MFSD12: variants seen among roughly 807,000 people sequenced by gnomAD.
The protein encoded by MFSD12 is major facilitator superfamily domain-containing protein 12.
Under a neutral mutation model 51.2 loss-of-function variants are expected in MFSD12, and 67 were observed. That is an observed-to-expected ratio of 1.31 (90% CI 1.08 to 1.60). The LOEUF (loss-of-function observed/expected upper bound fraction) is 1.60, where lower values mean the gene tolerates loss of function less well. Ranked by LOEUF, MFSD12 falls within the 40% of genes most tolerant of loss-of-function variation. The pLI, the probability that MFSD12 is intolerant of heterozygous loss-of-function variation, is 0.00. For missense variants in MFSD12, 921 were observed against 673.0 expected, an observed-to-expected ratio of 1.37 and a Z score of -4.08; for synonymous variants, 441 against 316.7, an observed-to-expected ratio of 1.39 and a Z score of -4.17.
intron 1 of MFSD12, among the ~76,000 whole-genome samples, chr19:3,552,905 G>A (rs912565744): frequency 6.6e-6 from 1 of 152,180 alleles, no homozygotes; most frequent in African/African-American, 2.4e-5. Context: ...GTCGGAGCCA[G>A]GCTCCTTCCC....
rs777850029 is a variant in MFSD12, at chr19:3,544,920, C to G, written c.1309G>C (p.Ala437Pro). The G allele has an allele frequency of 2.5e-5, 40 of 1,610,092 alleles. No individual in the cohort carries two copies. In the African/African-American group the frequency reaches 5.1e-4, roughly 20 times the overall value. Residue 437 changes from alanine to proline, a missense_variant, in exon 9 of 10, where the codon GCC becomes CCC. Coordinates refer to ENST00000355415, the MANE Select transcript of MFSD12 (RefSeq NM_174983.5). Reference protein sequence around the residue: ...HPCPSELCCRACVSFYHWAMV... With the variant: ...HPCPSELCCRPCVSFYHWAMV... Reference sequence around the variant, plus strand: ...GCCCAGTGGTAAAAGCTCACGCAGGCCCTGCAGCAGAGCTCTGAGCTGTGG... The same window carrying G: ...GCCCAGTGGTAAAAGCTCACGCAGGGCCTGCAGCAGAGCTCTGAGCTGTGG...
At chr19:3,548,288 G>A (rs745694654) in intron 2 of MFSD12, 21 bp from the exon 3 acceptor site, 60 of 1,544,168 alleles carry the variant, frequency 3.9e-5, no homozygotes, top group Non-Finnish European at 5.2e-5. Context: ...GGCGGGCAGG[G>A]ACTCAACAAG....
exon 5 of MFSD12, chr19:3,538,640 G>T: frequency 2.6e-6 from 1 of 382,120 alleles, no homozygotes; most frequent in South Asian, 2.0e-5. Flanking sequence ...GCTGAGTCTC[G>T]TTCCAGCACG....
intron 2 of MFSD12, among the ~76,000 whole-genome samples, chr19:3,550,613 A>G (rs1023927701): frequency 4.6e-5 from 7 of 152,044 alleles, no homozygotes; most frequent in Non-Finnish European, 8.8e-5. Context: ...GATGGTCTCG[A>G]TCTCCTGACC....
downstream of MFSD12, chr19:3,544,042 T>C (rs2145172155): frequency 6.7e-7 from 1 of 1,501,636 alleles, no homozygotes; most frequent in Non-Finnish European, 9.0e-7. Flanking sequence ...CCACTGTCTC[T>C]GCACCCAGAT....
At chr19:3,554,419 AGAGT>A (rs1568263017) in intron 1 of MFSD12, among the ~76,000 whole-genome samples, 1 of 150,958 alleles carries the variant, frequency 6.6e-6, no homozygotes, top group African/African-American at 2.4e-5. Context: ...CCTGAGCGAC[AGAGT>A]GAGACTCTGT....
intron 2 of MFSD12, among the ~76,000 whole-genome samples, chr19:3,549,039 T>G (rs1225949002): frequency 6.6e-6 from 1 of 152,128 alleles, no homozygotes; most frequent in East Asian, 1.9e-4. Flanking sequence ...AGTCCTCCTC[T>G]GAAATACGCG....
In MFSD12 at chr19:3,548,031, C is replaced by G; in HGVS notation, c.655-1G>C. 6.2e-7 allele frequency: 1 copy of G among 1,600,064 alleles called. No individual in the cohort carries two copies. The highest frequency in any genetic ancestry group is 8.5e-7 in the Non-Finnish European group (1 of 1,179,454). On this transcript the variant is annotated splice_acceptor_variant, in intron 3 of 9. Transcript: ENST00000355415. LOFTEE classifies it high-confidence loss of function. Reference sequence around the variant, plus strand: ...CACCCACCACCAGCAGGGACAGGTTCTGGGGATGCAGCAGAAGCAGTCAGT... The same window carrying G: ...CACCCACCACCAGCAGGGACAGGTTGTGGGGATGCAGCAGAAGCAGTCAGT...
chr19:3,538,854 G>A (rs1292978400), intron 4 of MFSD12: 14 of 574,864 alleles, frequency 2.4e-5, no homozygotes, highest in East Asian at 1.3e-4. Flanking sequence ...TGCCTCCTGC[G>A]ATCGAAGGGG....
chr19:3,548,350 G>A lies in MFSD12; in HGVS notation c.510-83C>T, dbSNP rs974936554. On this transcript the variant is annotated intron_variant, in intron 2 of 9. Transcript: ENST00000355415. ...CCCACGTGGCTACGCCGTCAGAGAG[G>A]CCTGGGGAACCCCTGACTGACAGGT... 29 of 1,507,294 alleles carry A rather than the reference G, an allele frequency of 1.9e-5. No homozygotes were observed. The African/African-American group carries it at 3.8e-4, about 20-fold the overall frequency. 93.4% of individuals were successfully genotyped at this position (1,507,294 alleles called of 1,614,324 possible).
At chr19:3,547,674 C>A in intron 4 of MFSD12, 127 bp from the exon 5 acceptor site, 1 of 1,172,980 alleles carries the variant, frequency 8.5e-7, no homozygotes, top group South Asian at 1.5e-5. Context: ...AGTGACTGCC[C>A]AGTGGGGTGG....
downstream of MFSD12, chr19:3,542,033 C>T: frequency 1.5e-6 from 1 of 645,950 alleles, no homozygotes. Context: ...TGGTCTCGAA[C>T]TCCTGACCTC....
At chr19:3,542,445 A>G, downstream of MFSD12, 1 of 985,298 alleles carries the variant, frequency 1.0e-6, no homozygotes, top group Non-Finnish European at 1.2e-6. Flanking sequence ...TCCCAAGAGC[A>G]AGGTCAAAGC....
At chr19:3,552,651 A>C (rs762665845) in intron 1 of MFSD12, among the ~76,000 whole-genome samples, 5 of 150,168 alleles carry the variant, frequency 3.3e-5, no homozygotes, top group Non-Finnish European at 7.4e-5. Flanking sequence ...CATCCAGCTA[A>C]TGTTTGTATT....
downstream of MFSD12, chr19:3,543,429 G>A (rs759072643): frequency 1.4e-5 from 22 of 1,545,974 alleles, no homozygotes; most frequent in African/African-American, 1.8e-4. Flanking sequence ...GCCTACAACC[G>A]CTGGCACAGC....
intron 2 of MFSD12, among the ~76,000 whole-genome samples, chr19:3,548,536 A>G (rs1412640941): frequency 1.3e-5 from 2 of 152,180 alleles, no homozygotes; most frequent in African/African-American, 2.4e-5. Flanking sequence ...AGTCCAGGCT[A>G]CAACCCAAAA....
At chr19:3,543,906 C>A, downstream of MFSD12, 1 of 1,551,006 alleles carries the variant, frequency 6.4e-7, no homozygotes, top group Non-Finnish European at 8.7e-7. Flanking sequence ...GGCACCCCAG[C>A]GCCCGCCCGG....
chr19:3,539,208 C>T, downstream of MFSD12: 1 of 1,550,656 alleles, frequency 6.4e-7, no homozygotes, highest in Non-Finnish European at 8.7e-7. Context: ...GGCTGCACGG[C>T]CCTGTATCCC....
At chr19:3,552,465 GC>G (rs1165777965) in intron 1 of MFSD12, among the ~76,000 whole-genome samples, 51 of 96,880 alleles carry the variant, frequency 5.3e-4, no homozygotes, top group Admixed American at 6.4e-4. Context: ...ACCGCGCCCC[GC>G]CTTTTTTTTT....
Sources: allele counts gnomAD v4.1 joint callset (sites outside exome capture counted in the v4.1 genomes callset), GRCh38; gene constraint gnomAD v4.1.1; transcripts MANE v1.5; gene names NCBI Gene and HGNC (gene_info 2026-07-23, HGNC 2026-07-21).